SH3GL2: variants seen among roughly 807,000 people sequenced by gnomAD.
SH3GL2 encodes the protein SH3 domain containing GRB2 like 2, endophilin A1.
In SH3GL2, 24 loss-of-function variants were observed where a neutral mutation model predicts 46.0. That is an observed-to-expected ratio of 0.52 (90% CI 0.38 to 0.73). SH3GL2 has a LOEUF of 0.73. Among genes scored for constraint, SH3GL2 ranks in the 30% least tolerant of loss-of-function variants. SH3GL2 has a pLI of 0.00. For missense variants in SH3GL2, 413 were observed against 424.2 expected, an observed-to-expected ratio of 0.97 and a Z score of 0.23; for synonymous variants, 196 against 147.1, an observed-to-expected ratio of 1.33 and a Z score of -2.40.
intron 1 of SH3GL2, among the ~76,000 whole-genome samples, chr9:17,722,532 TATC>T (rs1270592859): frequency 6.6e-6 from 1 of 152,020 alleles, no homozygotes; most frequent in African/African-American, 2.4e-5. Context: ...TATTTTATTT[TATC>T]ATTATTATAC....
At chr9:17,660,514 C>G (rs1820186193) in intron 1 of SH3GL2, among the ~76,000 whole-genome samples, 1 of 152,168 alleles carries the variant, frequency 6.6e-6, no homozygotes, top group Admixed American at 6.5e-5. Context: ...ATTTGGTACA[C>G]AATAGATGGT....
intron 1 of SH3GL2, among the ~76,000 whole-genome samples, chr9:17,595,880 C>T (rs1818560159): frequency 6.6e-6 from 1 of 152,052 alleles, no homozygotes; most frequent in South Asian, 2.1e-4. Context: ...TATATTGTTA[C>T]AGTAAGATTA....
At position 17,703,199 on chromosome 9, in the gene SH3GL2, TG is replaced by T. The variant is rs1201947499; in HGVS notation, c.46-43864del. Among the ~76,000 whole-genome samples the T allele has an allele frequency of 4.6e-5, 7 of 152,026 alleles. No homozygotes were observed. In the South Asian group the frequency reaches 8.3e-4, roughly 18 times the overall value. ...TCAAATGAAAATGAGCTGCATTATT[TG>T]GGTAGGGAATGATTTTAAGGATTGT... On this transcript the variant is annotated intron_variant, in intron 1 of 8. Coordinates refer to ENST00000380607, the MANE Select transcript of SH3GL2 (RefSeq NM_003026.5).
chr9:17,618,137 T>A (rs1337875778), intron 1 of SH3GL2, among the ~76,000 whole-genome samples: 1 of 152,186 alleles, frequency 6.6e-6, no homozygotes, highest in Non-Finnish European at 1.5e-5. Context: ...ATGATTTTGC[T>A]TTCCTGCTAA....
At chr9:17,781,796 T>G (rs1448708793) in intron 3 of SH3GL2, among the ~76,000 whole-genome samples, 1 of 152,142 alleles carries the variant, frequency 6.6e-6, no homozygotes, top group Non-Finnish European at 1.5e-5. Context: ...CCCTTTACGG[T>G]TCACTCTTTC....
intron 1 of SH3GL2, among the ~76,000 whole-genome samples, chr9:17,718,919 C>T (rs1327764235): frequency 1.4e-4 from 22 of 152,134 alleles, no homozygotes; most frequent in Admixed American, 1.2e-3. Context: ...TCTTCTTCTG[C>T]GTGTGACCTT....
chr9:17,780,285 A>G (rs1270434617), intron 3 of SH3GL2, among the ~76,000 whole-genome samples: 1 of 152,136 alleles, frequency 6.6e-6, no homozygotes, highest in African/African-American at 2.4e-5. Context: ...TAACTGAAAT[A>G]TGATCATAGA....
At chr9:17,668,939 TGAG>T (rs1483039638) in intron 1 of SH3GL2, among the ~76,000 whole-genome samples, 2 of 152,182 alleles carry the variant, frequency 1.3e-5, no homozygotes, top group African/African-American at 2.4e-5. Context: ...ATTACACAGG[TGAG>T]TCACCATGCC....
In SH3GL2 at chr9:17,607,703, A is replaced by G. The variant is rs140093576; in HGVS notation, c.45+28416A>G. Among the ~76,000 whole-genome samples the G allele has an allele frequency of 8.9e-4, 135 of 152,296 alleles. 1 individual carries two copies. The East Asian group carries it at 0.019, about 21-fold the overall frequency. On this transcript the variant is annotated intron_variant, in intron 1 of 8. Coordinates refer to ENST00000380607, the MANE Select transcript of SH3GL2 (RefSeq NM_003026.5). The stretch of plus-strand genomic sequence containing the variant: ...TTTACATCATACTGTATGGTCTGCA[A>G]TTGTATTTTTGACTTTTTCTTCAAA...
At chr9:17,589,650 T>C (rs1818444791) in intron 1 of SH3GL2, 1 of 152,206 alleles carries the variant, frequency 6.6e-6, no homozygotes, top group African/African-American at 2.4e-5. Flanking sequence ...CTGCATCTGT[T>C]TTTGTGCTTG....
intron 1 of SH3GL2, among the ~76,000 whole-genome samples, chr9:17,609,362 TG>T (rs1296212116): frequency 3.3e-5 from 5 of 152,058 alleles, no homozygotes; most frequent in African/African-American, 1.2e-4. Flanking sequence ...GCAGATCCAT[TG>T]AGCACTTTTT....
chr9:17,725,513 C>A (rs1457950164), intron 1 of SH3GL2, among the ~76,000 whole-genome samples: 1 of 152,122 alleles, frequency 6.6e-6, no homozygotes, highest in South Asian at 2.1e-4. Flanking sequence ...TAAAGTCAGT[C>A]TCCTCAGTCA....
At chr9:17,724,680 C>G (rs574310922) in intron 1 of SH3GL2, among the ~76,000 whole-genome samples, 1 of 152,260 alleles carries the variant, frequency 6.6e-6, no homozygotes, top group South Asian at 2.1e-4. Flanking sequence ...TATTGATCCT[C>G]TCCCTCTTCT....
At chr9:17,692,577 G>A (rs1435662632) in intron 1 of SH3GL2, among the ~76,000 whole-genome samples, 2 of 151,758 alleles carry the variant, frequency 1.3e-5, no homozygotes, top group Admixed American at 6.6e-5. Flanking sequence ...GACAAGAGAC[G>A]GAGGTTACAG....
At chr9:17,633,793 A>G (rs759617382) in intron 1 of SH3GL2, among the ~76,000 whole-genome samples, 1 of 152,178 alleles carries the variant, frequency 6.6e-6, no homozygotes. Context: ...CTGTATGTCC[A>G]TTTGAGTATT....
rs1007601826 is a variant in SH3GL2, at chr9:17,690,610, A to G, written c.46-56456A>G. 2.0e-5 allele frequency among the ~76,000 whole-genome samples: 3 copies of G among 152,218 alleles called. No individual in the cohort carries two copies. In the East Asian group the frequency reaches 5.8e-4, roughly 30 times the overall value. ...CCCAAGACAGGTGTTAGGACCTGTG[A>G]GTGGAAGCCCAGTGGTAGAAATGTG... On this transcript the variant is annotated intron_variant, in intron 1 of 8. Transcript: ENST00000380607.
chr9:17,757,802 A>G (rs1419710007), intron 2 of SH3GL2, among the ~76,000 whole-genome samples: 1 of 152,198 alleles, frequency 6.6e-6, no homozygotes, highest in African/African-American at 2.4e-5. Flanking sequence ...TCTTTATGCT[A>G]AGTTAATCAG....
intron 1 of SH3GL2, among the ~76,000 whole-genome samples, chr9:17,623,240 G>C (rs1339779202): frequency 1.3e-5 from 2 of 152,016 alleles, no homozygotes; most frequent in Non-Finnish European, 2.9e-5. Context: ...GGTGTCTAAG[G>C]TCCCTACGAT....
intron 1 of SH3GL2, among the ~76,000 whole-genome samples, chr9:17,624,159 A>C (rs10963165): frequency 6.6e-6 from 1 of 152,140 alleles, no homozygotes; most frequent in African/African-American, 2.4e-5. Flanking sequence ...GGGTGATGCA[A>C]TCTCAGTTGG....
Sources: allele counts gnomAD v4.1 joint callset (sites outside exome capture counted in the v4.1 genomes callset), GRCh38; gene constraint gnomAD v4.1.1; transcripts MANE v1.5; gene names NCBI Gene and HGNC (gene_info 2026-07-23, HGNC 2026-07-21).